The following UBAC2 variants were observed in gnomAD, a reference collection of about 807,000 sequenced individuals.
UBAC2 encodes the protein UBA domain containing 2, also known as ubiquitin-associated domain-containing protein 2.
In UBAC2, 26 loss-of-function variants were observed where a neutral mutation model predicts 44.0. That is an observed-to-expected ratio of 0.59 (90% CI 0.43 to 0.82). The LOEUF (loss-of-function observed/expected upper bound fraction) is 0.82. UBAC2 is among the 40% of genes least tolerant of loss of function. The pLI, the probability that UBAC2 is intolerant of heterozygous loss-of-function variation, is 0.00. For missense variants in UBAC2, 329 were observed against 419.4 expected (o/e 0.78, Z 1.88); for synonymous variants, 155 against 154.3 (o/e 1.00, Z -0.04).
intron 8 of UBAC2, among the ~76,000 whole-genome samples, chr13:99,368,637 A>G (rs1278381533): frequency 6.6e-6 from 1 of 151,668 alleles, no homozygotes; most frequent in Non-Finnish European, 1.5e-5. Context: ...GCAAGGGAGA[A>G]CCCTGTGGGG....
intron 7 of UBAC2, among the ~76,000 whole-genome samples, chr13:99,365,946 T>C (rs2045324978): frequency 6.6e-6 from 1 of 152,232 alleles, no homozygotes; most frequent in South Asian, 2.1e-4. Flanking sequence ...TCATGTATTC[T>C]ATTGATTTTA....
intron 4 of UBAC2, among the ~76,000 whole-genome samples, chr13:99,277,890 C>T (rs1331721807): frequency 6.6e-6 from 1 of 152,142 alleles, no homozygotes; most frequent in East Asian, 1.9e-4. Flanking sequence ...TGCTTAGTCT[C>T]GGGATCCATC....
intron 5 of UBAC2, among the ~76,000 whole-genome samples, chr13:99,315,848 C>G (rs2044481225): frequency 6.6e-6 from 1 of 151,950 alleles, no homozygotes; most frequent in African/African-American, 2.4e-5. Context: ...TGTTTCATCT[C>G]TCGGGGAAAG....
chr13:99,202,845 A>T (rs1013850191), intron 1 of UBAC2, among the ~76,000 whole-genome samples: 7 of 152,080 alleles, frequency 4.6e-5, no homozygotes, highest in African/African-American at 1.7e-4. Flanking sequence ...CTGGGCGATG[A>T]ACTGGGCTAG....
intron 4 of UBAC2, among the ~76,000 whole-genome samples, chr13:99,249,671 G>C (rs745374536): frequency 1.9e-4 from 29 of 152,154 alleles, no homozygotes; most frequent in Admixed American, 5.2e-4. Flanking sequence ...GTGTATAAGT[G>C]TTCCCTTTTC....
At chr13:99,343,617 C>T (rs774009005) in intron 7 of UBAC2, among the ~76,000 whole-genome samples, 3 of 152,220 alleles carry the variant, frequency 2.0e-5, no homozygotes, top group Non-Finnish European at 2.9e-5. Flanking sequence ...TGGGCTTTTA[C>T]GTTGAGTGGT....
chr13:99,265,589 C>G (rs547398874), intron 4 of UBAC2, among the ~76,000 whole-genome samples: 45 of 152,344 alleles, frequency 3.0e-4, no homozygotes, highest in Admixed American at 9.2e-4. Flanking sequence ...CACCCCTTTT[C>G]TTCTTCTTGT....
At chr13:99,337,187 A>G (rs767046031) in intron 6 of UBAC2, among the ~76,000 whole-genome samples, 15 of 152,270 alleles carry the variant, frequency 9.9e-5, no homozygotes, top group Admixed American at 2.6e-4. Context: ...TTACATTCCA[A>G]CAAAACACCC....
At chr13:99,375,951 A>C (rs953041291) in intron 8 of UBAC2, among the ~76,000 whole-genome samples, 1 of 148,740 alleles carries the variant, frequency 6.7e-6, no homozygotes, top group Non-Finnish European at 1.5e-5. Flanking sequence ...CTACAGGCAC[A>C]TGCCACCAAG....
At chr13:99,300,202 G>A (rs1178305308) in intron 4 of UBAC2, among the ~76,000 whole-genome samples, 3 of 152,236 alleles carry the variant, frequency 2.0e-5, no homozygotes, top group Non-Finnish European at 4.4e-5. Context: ...GAGCTCCAAG[G>A]GTAGCCTGTT....
chr13:99,225,723 A>C (rs1476980496), intron 1 of UBAC2, among the ~76,000 whole-genome samples: 2 of 152,188 alleles, frequency 1.3e-5, no homozygotes, highest in Non-Finnish European at 2.9e-5. Flanking sequence ...CTGATGCCCT[A>C]AGTAAGCTTG....
chr13:99,224,085 G>T (rs898700004), intron 1 of UBAC2, among the ~76,000 whole-genome samples: 3 of 152,158 alleles, frequency 2.0e-5, no homozygotes, highest in Non-Finnish European at 4.4e-5. Flanking sequence ...CCACAGACTG[G>T]GTGGCTTAAG....
Position 99,309,236 on chromosome 13 carries a change from G to A in UBAC2, c.390-4861G>A, listed in dbSNP as rs7992045. Among the ~76,000 whole-genome samples the A allele has an allele frequency of 7.1e-3, 1,081 of 151,660 alleles. 16 individuals carry two copies. The highest frequency in any genetic ancestry group is 0.025 in the African/African-American group (1,018 of 41,346). Reference sequence around the variant, plus strand: ...AGCAATTCTCCTGCCTCAGCCTCCCGAGTAGCTGGGACTACAGGCATATGC... The same window carrying A: ...AGCAATTCTCCTGCCTCAGCCTCCCAAGTAGCTGGGACTACAGGCATATGC... On this transcript the variant is annotated intron_variant, in intron 4 of 8. Transcript: ENST00000403766.
chr13:99,255,990 CA>C (rs1328966275), intron 4 of UBAC2: 1 of 954,752 alleles, frequency 1.0e-6, no homozygotes, highest in Non-Finnish European at 1.5e-6. Context: ...GCTTGACTGC[CA>C]GTGAATTTTA....
At chr13:99,338,305 G>A (rs1184807760) in intron 6 of UBAC2, among the ~76,000 whole-genome samples, 2 of 151,990 alleles carry the variant, frequency 1.3e-5, no homozygotes, top group African/African-American at 2.4e-5. Flanking sequence ...TGATCCGCCC[G>A]CCTTGGCCTC....
At position 99,247,219 on chromosome 13, in the gene UBAC2, G is replaced by GT. The variant is rs1566466321; in HGVS notation, c.389+2599dup. Reference sequence around the variant, plus strand: ...TGTTTTTTTTTTTTTGTTTTGTTTTGTTTTGTTTTTCTTGAGACGGAGTCT... The same window carrying GT: ...TGTTTTTTTTTTTTTGTTTTGTTTTGTTTTTGTTTTTCTTGAGACGGAGTCT... On this transcript the variant is annotated intron_variant, in intron 4 of 8. Transcript: ENST00000403766. 3.4e-4 allele frequency among the ~76,000 whole-genome samples: 49 copies of GT among 145,652 alleles called. 1 individual carries two copies. Among genetic ancestry groups the GT allele is most frequent in the Admixed American group, 1.6e-3 (23 of 14,676 alleles).
Position 99,292,782 on chromosome 13 carries a change from G to A in UBAC2, c.390-21315G>A, listed in dbSNP as rs562491392. On this transcript the variant is annotated intron_variant, in intron 4 of 8. Transcript: ENST00000403766. Reference sequence around the variant, plus strand: ...CCATTTTCCCAGATTAGTTTTTCTAGCTCCCAATTATTATTTAAAATTGTT... The same window carrying A: ...CCATTTTCCCAGATTAGTTTTTCTAACTCCCAATTATTATTTAAAATTGTT... Among the ~76,000 whole-genome samples the A allele has an allele frequency of 4.7e-5, 7 of 150,140 alleles. No homozygotes were observed. The Middle Eastern group carries it at 0.017, about 372-fold the overall frequency.
At chr13:99,288,509 A>G (rs866385669) in intron 4 of UBAC2, among the ~76,000 whole-genome samples, 1 of 152,230 alleles carries the variant, frequency 6.6e-6, no homozygotes, top group Non-Finnish European at 1.5e-5. Flanking sequence ...CTTCTTTCTA[A>G]CAACTACAGT....
intron 1 of UBAC2, among the ~76,000 whole-genome samples, chr13:99,234,931 T>G (rs1044524515): frequency 1.1e-4 from 16 of 152,240 alleles, no homozygotes; most frequent in Admixed American, 7.9e-4. Context: ...ATAATTTGCT[T>G]CTTTTTTTCT....
Sources: allele counts gnomAD v4.1 joint callset (sites outside exome capture counted in the v4.1 genomes callset), GRCh38; gene constraint gnomAD v4.1.1; transcripts MANE v1.5; gene names NCBI Gene and HGNC (gene_info 2026-07-23, HGNC 2026-07-21).